Variants in COL28A1 observed in about 807,000 individuals in gnomAD.
COL28A1 encodes the protein collagen type XXVIII alpha 1 chain, also known as collagen alpha-1(XXVIII) chain.
COL28A1 carries 161 observed loss-of-function variants against 150.2 expected under a neutral mutation model. The ratio of observed to expected loss-of-function variants is 1.07; its 90% confidence interval spans 0.94 to 1.22. The LOEUF (loss-of-function observed/expected upper bound fraction) is 1.22, where lower values mean the gene tolerates loss of function less well. COL28A1 is among the 50% of genes most tolerant of loss of function. COL28A1 has a pLI of 0.00. For missense variants in COL28A1, 1,617 were observed against 1,388.3 expected, an observed-to-expected ratio of 1.16 and a Z score of -2.62; for synonymous variants, 552 against 469.7, an observed-to-expected ratio of 1.18 and a Z score of -2.26.
At chr7:7,543,031 C>T in the COL28A1 span, among the ~76,000 whole-genome samples, 567 of 152,132 alleles carry the variant, frequency 3.7e-3, 3 homozygotes, top group Non-Finnish European at 6.1e-3. Flanking sequence ...CATATACATA[C>T]GTAAGTTTAT....
intron 27 of COL28A1, among the ~76,000 whole-genome samples, chr7:7,406,237 C>T (rs368753295): frequency 5.0e-4 from 76 of 152,158 alleles, no homozygotes; most frequent in African/African-American, 1.7e-3. Context: ...TAATGGAATC[C>T]AATAATTGTT....
At chr7:7,392,317 C>T (rs1782593344) in intron 27 of COL28A1, among the ~76,000 whole-genome samples, 1 of 152,218 alleles carries the variant, frequency 6.6e-6, no homozygotes, top group Non-Finnish European at 1.5e-5. Context: ...TCTCTTCTGG[C>T]TTGTAGGGTT....
chr7:7,453,502 G>C lies in COL28A1; in HGVS notation c.1378C>G (p.Gln460Glu), dbSNP rs577747767. 2.7e-6 allele frequency: 3 copies of C among 1,100,230 alleles called. No homozygotes were observed. Among genetic ancestry groups the C allele is most frequent in the Middle Eastern group, 2.0e-4 (1 of 5,074 alleles). The allele number at this position is 1,100,230 out of a possible 1,614,324, so 68.2% of individuals were successfully genotyped here. A position where few individuals can be genotyped will look rare whatever the true frequency, so the allele number is the denominator to read the frequency against. The change falls in exon 17 of 35, where the codon CAA becomes GAA. Residue 460 changes from glutamine to glutamate, a missense_variant. Transcript: ENST00000399429. Reference protein sequence around the residue: ...GIGSQGEQGIQGPIGPPGPQG... With the variant: ...GIGSQGEQGIEGPIGPPGPQG... Reference sequence around the variant, plus strand: ...GGACCAGGTGGACCAATAGGACCTTGGATTCCCTTTAAAATAAAATTTTAT... The same window carrying C: ...GGACCAGGTGGACCAATAGGACCTTCGATTCCCTTTAAAATAAAATTTTAT...
intron 25 of COL28A1, among the ~76,000 whole-genome samples, chr7:7,425,284 T>C (rs193084827): frequency 6.6e-6 from 1 of 152,282 alleles, no homozygotes; most frequent in African/African-American, 2.4e-5. Flanking sequence ...CATTTTGATG[T>C]GGACTGGGAC....
the COL28A1 span, among the ~76,000 whole-genome samples, chr7:7,340,139 C>T: frequency 6.6e-6 from 1 of 151,938 alleles, no homozygotes; most frequent in African/African-American, 2.4e-5. Context: ...TACAGGTGCA[C>T]ACCACCACGC....
At position 7,507,249 on chromosome 7, in the gene COL28A1, C is replaced by T. The variant is rs77506363; in HGVS notation, c.928-88G>A. The T allele has an allele frequency of 2.9e-3, 2,056 of 701,796 alleles. 35 individuals are homozygous for T. The East Asian group carries it at 0.04, about 14-fold the overall frequency. The allele number at this position is 701,796 out of a possible 1,614,324, so 43.5% of individuals were successfully genotyped here. A position where few individuals can be genotyped will look rare whatever the true frequency, so the allele number is the denominator to read the frequency against. On this transcript the variant is annotated intron_variant, in intron 9 of 34. Coordinates refer to ENST00000399429, the MANE Select transcript of COL28A1 (RefSeq NM_001037763.3). ...GGTAGGAGGGAAGGAAATGTGTTCT[C>T]GGTAATTGCCATCTTCCCTGGTTAT...
chr7:7,426,473 C>T (rs1342346985), intron 25 of COL28A1, among the ~76,000 whole-genome samples: 1 of 152,090 alleles, frequency 6.6e-6, no homozygotes, highest in Non-Finnish European at 1.5e-5. Context: ...TATTGAATGA[C>T]CGTTGTCATA....
intron 1 of COL28A1, among the ~76,000 whole-genome samples, chr7:7,533,855 G>A (rs778391267): frequency 6.6e-6 from 1 of 152,122 alleles, no homozygotes; most frequent in South Asian, 2.1e-4. Context: ...AGCTTATTTC[G>A]AATCAATACT....
intron 27 of COL28A1, among the ~76,000 whole-genome samples, chr7:7,411,307 C>A (rs983480936): frequency 2.6e-5 from 4 of 152,064 alleles, no homozygotes; most frequent in African/African-American, 9.7e-5. Flanking sequence ...CACATTATGC[C>A]CCAAATTCCT....
chr7:7,362,196 A>G (rs1305592549), intron 33 of COL28A1, among the ~76,000 whole-genome samples: 3 of 152,192 alleles, frequency 2.0e-5, no homozygotes, highest in Non-Finnish European at 4.4e-5. Context: ...AAATCATGTC[A>G]GTCATTCTTG....
intron 13 of COL28A1, among the ~76,000 whole-genome samples, chr7:7,482,097 G>A (rs911592361): frequency 1.3e-5 from 2 of 152,130 alleles, no homozygotes; most frequent in Non-Finnish European, 1.5e-5. Flanking sequence ...TATTAGTGTG[G>A]TAGTGAAAAG....
chr7:7,395,097 GC>G (rs1315395016), intron 27 of COL28A1, among the ~76,000 whole-genome samples: 1 of 152,180 alleles, frequency 6.6e-6, no homozygotes, highest in Non-Finnish European at 1.5e-5. Context: ...CTCGAGACCA[GC>G]CTGGCCAACA....
At chr7:7,438,677 A>G (rs994849051) in intron 21 of COL28A1, among the ~76,000 whole-genome samples, 2 of 102,190 alleles carry the variant, frequency 2.0e-5, no homozygotes, top group Non-Finnish European at 3.8e-5. Context: ...ATATAAATTC[A>G]TAACATATTA....
At chr7:7,384,243 G>A (rs1260956585) in intron 27 of COL28A1, among the ~76,000 whole-genome samples, 4 of 152,154 alleles carry the variant, frequency 2.6e-5, no homozygotes, top group African/African-American at 9.7e-5. Context: ...ACTGGAAATG[G>A]GTATGCAGTG....
At position 7,370,169 on chromosome 7, in the gene COL28A1, G is replaced by A. The variant is rs988015564; in HGVS notation, c.3066+556C>T. Among the ~76,000 whole-genome samples the A allele has an allele frequency of 3.3e-5, 5 of 152,212 alleles. No individual in the cohort carries two copies. In the South Asian group the frequency reaches 1.0e-3, roughly 31 times the overall value. On this transcript the variant is annotated intron_variant, in intron 33 of 34. Coordinates refer to ENST00000399429, the MANE Select transcript of COL28A1 (RefSeq NM_001037763.3). ...ACATACTATGTGATTGAGGAGCTCT[G>A]AAACAGAGCATCTACTTTGCACCAT...
At chr7:7,348,605 A>G in the COL28A1 span, among the ~76,000 whole-genome samples, 1 of 151,740 alleles carries the variant, frequency 6.6e-6, no homozygotes, top group African/African-American at 2.4e-5. Flanking sequence ...ACATGTATAT[A>G]TCTATTTATT....
At chr7:7,507,209 C>T (rs752702814) in intron 9 of COL28A1, 48 bp from the exon 10 acceptor site, 9 of 823,652 alleles carry the variant, frequency 1.1e-5, no homozygotes, top group African/African-American at 6.8e-5. Flanking sequence ...ACATCTTCAA[C>T]GTGCAGTGAT....
intron 18 of COL28A1, among the ~76,000 whole-genome samples, chr7:7,448,711 A>G (rs1400909027): frequency 1.3e-5 from 2 of 151,938 alleles, no homozygotes; most frequent in African/African-American, 4.8e-5. Flanking sequence ...CAAAATTTAT[A>G]CACAGGTGAA....
chr7:7,512,826 G>T (rs920365704), intron 8 of COL28A1, among the ~76,000 whole-genome samples: 1 of 152,174 alleles, frequency 6.6e-6, no homozygotes, highest in African/African-American at 2.4e-5. Context: ...TCCTAGTCCA[G>T]TGCTCTCAAC....
Sources: allele counts gnomAD v4.1 joint callset (sites outside exome capture counted in the v4.1 genomes callset), GRCh38; gene constraint gnomAD v4.1.1; transcripts MANE v1.5; gene names NCBI Gene and HGNC (gene_info 2026-07-23, HGNC 2026-07-21).